The following NOTCH2NLR variants were observed in gnomAD, a reference collection of about 807,000 sequenced individuals.
NOTCH2NLR encodes notch 2 N-terminal like R.
NOTCH2NLR carries 33 observed loss-of-function variants against 35.6 expected under a neutral mutation model. That is an observed-to-expected ratio of 0.93 (90% CI 0.70 to 1.24). The LOEUF is 1.24. NOTCH2NLR is among the 50% of genes most tolerant of loss of function. The pLI is 0.00. For missense variants in NOTCH2NLR, 276 were observed against 362.2 expected (o/e 0.76, Z 1.93); for synonymous variants, 103 against 141.0 (o/e 0.73, Z 1.91).
intron 1 of NOTCH2NLR, among the ~76,000 whole-genome samples, chr1:120,763,370 G>A (rs1651153507): frequency 2.0e-5 from 2 of 100,776 alleles, no homozygotes; most frequent in South Asian, 5.8e-4. Flanking sequence ...TTGGGAGATG[G>A]AGATGTAACA....
Position 120,752,565 on chromosome 1 carries a change from TTTTTTTTTTC to T in NOTCH2NLR, c.74-11053_74-11044del, listed in dbSNP as rs1651034843. Among the ~76,000 whole-genome samples the T allele has an allele frequency of 6.7e-4, 20 of 29,956 alleles. 1 individual carries two copies. Among genetic ancestry groups the T allele is most frequent in the African/African-American group, 3.0e-3 (10 of 3,288 alleles). The allele number at this position is 29,956 out of a possible 152,430, so 19.7% of individuals were successfully genotyped here. On this transcript the variant is annotated intron_variant, in intron 1 of 4. Coordinates refer to ENST00000624419, the Ensembl canonical transcript of NOTCH2NLR. ...ATATATATATATATATTTTTTTTTT[TTTTTTTTTTC>T]TTTTTTTTTTTTTCAGGCAGAGTCT...
At chr1:120,727,802 T>G (rs1650831756) in intron 1 of NOTCH2NLR, among the ~76,000 whole-genome samples, 1 of 118,186 alleles carries the variant, frequency 8.5e-6, no homozygotes, top group South Asian at 2.4e-4. Flanking sequence ...TTCCTGTTTT[T>G]GTTTCCCCCC....
In NOTCH2NLR at chr1:120,763,664, A is replaced by G. The variant is rs1267349394; in HGVS notation, c.110A>G (p.Asn37Ser). 5 of 1,416,002 alleles carry G rather than the reference A, an allele frequency of 3.5e-6. No individual in the cohort carries two copies. The East Asian group carries it at 1.2e-4, about 33-fold the overall frequency. The allele number at this position is 1,416,002 out of a possible 1,614,324, so 87.7% of individuals were successfully genotyped here. The change falls in exon 2 of 5, where the codon AAT becomes AGT. Residue 37 changes from asparagine (N) to serine (S), a missense_variant. Asn to Ser is a conservative substitution (Grantham distance 46). Coordinates refer to ENST00000624419, the Ensembl canonical transcript of NOTCH2NLR. ...CGAGATGGCTATGAACCCTGTGTAAATAAAGGAATGTGTGTTACCTACCAC... is the reference window on the plus strand; with the variant it reads ...CGAGATGGCTATGAACCCTGTGTAAGTAAAGGAATGTGTGTTACCTACCAC...
rs1290001981 is a variant in NOTCH2NLR at position 120,769,565 on chromosome 1, A to C, written c.155+5856A>C. 6.5e-5 allele frequency among the ~76,000 whole-genome samples: 8 copies of C among 123,034 alleles called. 1 individual carries two copies. The highest frequency in any genetic ancestry group is 3.5e-3 in the Middle Eastern group (1 of 282). 80.7% of individuals were successfully genotyped at this position (123,034 alleles called of 152,430 possible). ...AGTTCATTTATCTTTTTAACATAAAACAAAGAATGCTGTTTTTTTGGCTCA... is the reference window on the plus strand; with the variant it reads ...AGTTCATTTATCTTTTTAACATAAACCAAAGAATGCTGTTTTTTTGGCTCA... On this transcript the variant is annotated intron_variant, in intron 2 of 4. Coordinates refer to ENST00000624419, the Ensembl canonical transcript of NOTCH2NLR.
chr1:120,755,916 C>T lies in NOTCH2NLR; in HGVS notation c.74-7712C>T, dbSNP rs1295679913. 2.2e-5 allele frequency among the ~76,000 whole-genome samples: 2 copies of T among 88,950 alleles called. 1 individual carries two copies. Among genetic ancestry groups the T allele is most frequent in the African/African-American group, 1.6e-4 (2 of 12,536 alleles). 58.4% of individuals were successfully genotyped at this position (88,950 alleles called of 152,430 possible). ...TGGAACACTATTAGGAAAACAAAAT[C>T]GATTTATCTCTTATTGCTTTTTTTT... On this transcript the variant is annotated intron_variant, in intron 1 of 4. Transcript: ENST00000624419.
rs1168393700 is a variant in NOTCH2NLR at position 120,784,937 on chromosome 1, T to G, written c.156-37T>G. The stretch of plus-strand genomic sequence containing the variant: ...TGTAATTTTTTGGACTTACAAGAAG[T>G]CAGGTGTTTTCATGGACTCTTCTCT... On this transcript the variant is annotated intron_variant, in intron 2 of 4. Transcript: ENST00000624419. 23 of 1,234,546 alleles carry G rather than the reference T, an allele frequency of 1.9e-5. 4 individuals carry two copies. Among genetic ancestry groups the G allele is most frequent in the East Asian group, 4.8e-5 (2 of 41,280 alleles). The allele number at this position is 1,234,546 out of a possible 1,614,324, so 76.5% of individuals were successfully genotyped here. A position where few individuals can be genotyped will look rare whatever the true frequency, so the allele number is the denominator to read the frequency against.
chr1:120,733,143 T>C lies in NOTCH2NLR; in HGVS notation c.73+8893T>C, dbSNP rs1395838006. Among the ~76,000 whole-genome samples the C allele has an allele frequency of 2.4e-4, 25 of 105,032 alleles. 9 individuals are homozygous for C. Among genetic ancestry groups the C allele is most frequent in the African/African-American group, 1.5e-3 (25 of 16,898 alleles). The allele number at this position is 105,032 out of a possible 152,430, so 68.9% of individuals were successfully genotyped here. On this transcript the variant is annotated intron_variant, in intron 1 of 4. Coordinates refer to ENST00000624419, the Ensembl canonical transcript of NOTCH2NLR. Reference sequence around the variant, plus strand: ...TATATATATATATATGTTTAGTTTATGAACAGATCTACATATATATATATA... The same window carrying C: ...TATATATATATATATGTTTAGTTTACGAACAGATCTACATATATATATATA...
intron 1 of NOTCH2NLR, among the ~76,000 whole-genome samples, chr1:120,760,180 CTTT>C (rs1161423259): frequency 6.6e-5 from 1 of 15,166 alleles, no homozygotes; most frequent in Non-Finnish European, 1.3e-4. Flanking sequence ...TCTACCACAG[CTTT>C]TTTTTTTTTT....
At chr1:120,767,859 A>G (rs1323367260) in intron 2 of NOTCH2NLR, among the ~76,000 whole-genome samples, 3 of 112,270 alleles carry the variant, frequency 2.7e-5, no homozygotes, top group Non-Finnish European at 5.0e-5. Flanking sequence ...TTGACAAAAT[A>G]TGTATTTTAA....
intron 2 of NOTCH2NLR, among the ~76,000 whole-genome samples, chr1:120,770,715 C>T (rs1300932691): frequency 5.9e-5 from 7 of 119,322 alleles, no homozygotes; most frequent in Non-Finnish European, 1.1e-4. Flanking sequence ...GAGATATACT[C>T]GTGGAAAATG....
At position 120,785,012 on chromosome 1, in the gene NOTCH2NLR, G is replaced by A. The variant is rs1651405285; in HGVS notation, c.194G>A (p.Arg65Gln). The A allele has an allele frequency of 1.2e-5, 17 of 1,422,364 alleles. 2 individuals are homozygous for A. Among genetic ancestry groups the A allele is most frequent in the East Asian group, 2.3e-5 (1 of 42,672 alleles). The allele number at this position is 1,422,364 out of a possible 1,614,324, so 88.1% of individuals were successfully genotyped here. A position where few individuals can be genotyped will look rare whatever the true frequency, so the allele number is the denominator to read the frequency against. Reference sequence around the variant, plus strand: ...TTCTTGGGGGAATATTGTCAACATCGAGACCCCTGTGAGAAGAACCGCTGC... The same window carrying A: ...TTCTTGGGGGAATATTGTCAACATCAAGACCCCTGTGAGAAGAACCGCTGC... Residue 65 changes from arginine to glutamine, a missense_variant, in exon 3 of 5, where the codon CGA (arginine) becomes CAA (glutamine). Transcript: ENST00000624419.
At position 120,743,822 on chromosome 1, in the gene NOTCH2NLR, C is replaced by CAA. The variant is rs1246208929; in HGVS notation, c.73+19574_73+19575dup. On this transcript the variant is annotated intron_variant, in intron 1 of 4. Transcript: ENST00000624419. ...TGTGCTTAGATAAAAGCACATTTAA[C>CAA]AAATAGGTTTTGCATTTTTTTAGCA... Among the ~76,000 whole-genome samples the CAA allele has an allele frequency of 6.3e-5, 8 of 127,330 alleles. 3 individuals are homozygous for CAA. The highest frequency in any genetic ancestry group is 3.2e-4 in the Admixed American group (4 of 12,336). 83.5% of individuals were successfully genotyped at this position (127,330 alleles called of 152,430 possible). A position where few individuals can be genotyped will look rare whatever the true frequency, so the allele number is the denominator to read the frequency against.
chr1:120,785,259 C>T, intron 3 of NOTCH2NLR, 26 bp downstream of exon 3: 1 of 1,441,536 alleles, frequency 6.9e-7, no homozygotes, highest in East Asian at 2.3e-5. Context: ...AAAGCCAGTG[C>T]TTCCCTACCT....
intron 1 of NOTCH2NLR, among the ~76,000 whole-genome samples, chr1:120,752,552 A>ATTTTTTTTT (rs1386751525): frequency 0.02 from 178 of 8,970 alleles, 2 homozygotes; most frequent in Non-Finnish European, 0.026. Flanking sequence ...ATATATATAT[A>ATTTTTTTTT]TATTTTTTTT....
At chr1:120,771,067 TAGA>T (rs1651258307) in intron 2 of NOTCH2NLR, among the ~76,000 whole-genome samples, 2 of 67,164 alleles carry the variant, frequency 3.0e-5, no homozygotes, top group Admixed American at 1.6e-4. Flanking sequence ...GTGGATGAAA[TAGA>T]AGAAGAGGGC....
In NOTCH2NLR at chr1:120,765,972, G is replaced by T. The variant is rs1301360758; in HGVS notation, c.155+2263G>T. ...AGGGAGGGGAACATCACACACTGGG[G>T]CCTGTCAGGGGGTGGGGGGAAAGGG... On this transcript the variant is annotated intron_variant, in intron 2 of 4. Coordinates refer to ENST00000624419, the Ensembl canonical transcript of NOTCH2NLR. 5.3e-5 allele frequency among the ~76,000 whole-genome samples: 2 copies of T among 37,604 alleles called. 1 individual carries two copies. The highest frequency in any genetic ancestry group is 8.9e-5 in the Non-Finnish European group (2 of 22,528). The allele number at this position is 37,604 out of a possible 152,430, so 24.7% of individuals were successfully genotyped here.
rs1651162559 is a variant in NOTCH2NLR at position 120,764,070 on chromosome 1, A to T, written c.155+361A>T. 1.8e-5 allele frequency among the ~76,000 whole-genome samples: 2 copies of T among 110,516 alleles called. 1 individual carries two copies. The highest frequency in any genetic ancestry group is 1.1e-4 in the African/African-American group (2 of 18,762). 72.5% of individuals were successfully genotyped at this position (110,516 alleles called of 152,430 possible). ...AAGATCAGCCTGGCCAACATAGTGA[A>T]ACCCTATCTCTACTAAAAATACAAA... On this transcript the variant is annotated intron_variant, in intron 2 of 4. Transcript: ENST00000624419.
At position 120,793,419 on chromosome 1, in the gene NOTCH2NLR, G is replaced by T. The variant is rs1310661661; in HGVS notation, c.674G>T (p.Cys225Phe). The T allele has an allele frequency of 1.1e-5, 16 of 1,443,044 alleles. 3 individuals carry two copies. The highest frequency in any genetic ancestry group is 1.5e-5 in the Non-Finnish European group (16 of 1,079,960). The allele number at this position is 1,443,044 out of a possible 1,614,324, so 89.4% of individuals were successfully genotyped here. Residue 225 changes from cysteine to phenylalanine, a missense_variant, in exon 4 of 5, where the codon TGT (cysteine) becomes TTT (phenylalanine). Coordinates refer to ENST00000624419, the Ensembl canonical transcript of NOTCH2NLR. ...TACTGTGACAGACTGTATGTGCCCT[G>T]TGCACACTCGCCTTGTGTCAATGGA...
rs1650783095 is a variant in NOTCH2NLR, at chr1:120,723,994, C to G, written c.-184C>G. On this transcript the variant is annotated 5_prime_UTR_variant, in exon 1 of 5. Transcript: ENST00000624419. ...GGCGGCGGCCGAGGAGCGGCGGACT[C>G]GGGGCGCGGGGAGTCGAGGCATTTG... 5.0e-6 allele frequency: 6 copies of G among 1,209,426 alleles called. 1 individual carries two copies. Among genetic ancestry groups the G allele is most frequent in the East Asian group, 6.4e-5 (2 of 31,280 alleles). 74.9% of individuals were successfully genotyped at this position (1,209,426 alleles called of 1,614,324 possible). A position where few individuals can be genotyped will look rare whatever the true frequency, so the allele number is the denominator to read the frequency against.
Sources: gnomAD v4.1 joint callset for allele counts (sites outside exome capture counted in the v4.1 genomes callset) on GRCh38, gnomAD v4.1.1 for gene constraint, MANE v1.5 for transcripts, NCBI Gene and HGNC (gene_info 2026-07-23, HGNC 2026-07-21) for gene names.